LPGAT1: variants seen among roughly 807,000 people sequenced by gnomAD.
LPGAT1 encodes acyl-CoA:lysophosphatidylglycerol acyltransferase 1.
LPGAT1 carries 11 observed loss-of-function variants against 47.5 expected under a neutral mutation model. That is an observed-to-expected ratio of 0.23 (90% CI 0.15 to 0.38). The LOEUF is 0.38. Ranked by LOEUF, LPGAT1 falls within the 10% of genes least tolerant of loss-of-function variation. The probability of loss-of-function intolerance (pLI) is 1.00; values close to 1 mark genes in which losing one functional copy is unlikely to be tolerated. For missense variants in LPGAT1, 293 were observed against 439.0 expected, an observed-to-expected ratio of 0.67 and a Z score of 2.97; for synonymous variants, 138 against 144.2, an observed-to-expected ratio of 0.96 and a Z score of 0.31.
At chr1:211,781,543 C>G (rs937223841) in intron 5 of LPGAT1, among the ~76,000 whole-genome samples, 2 of 152,130 alleles carry the variant, frequency 1.3e-5, no homozygotes, top group African/African-American at 4.8e-5. Flanking sequence ...ATTAAGAGAG[C>G]TGACTGCCAA....
intron 3 of LPGAT1, among the ~76,000 whole-genome samples, chr1:211,789,355 G>A (rs1357856405): frequency 6.6e-6 from 1 of 152,132 alleles, no homozygotes; most frequent in Non-Finnish European, 1.5e-5. Flanking sequence ...TTCATTCATG[G>A]TGGATTTATC....
intron 2 of LPGAT1, among the ~76,000 whole-genome samples, chr1:211,814,095 TTTC>T (rs1217183410): frequency 6.6e-6 from 1 of 152,220 alleles, no homozygotes; most frequent in African/African-American, 2.4e-5. Context: ...TTTTAAAGGA[TTTC>T]TTATTAATCA....
chr1:211,799,309 TG>T (rs1169264436), intron 2 of LPGAT1, among the ~76,000 whole-genome samples: 1 of 152,166 alleles, frequency 6.6e-6, no homozygotes, highest in African/African-American at 2.4e-5. Flanking sequence ...ATTTATGGAA[TG>T]TTTATTATGT....
chr1:211,750,663 A>G (rs866887183), intron 7 of LPGAT1, among the ~76,000 whole-genome samples: 1 of 152,238 alleles, frequency 6.6e-6, no homozygotes, highest in South Asian at 2.1e-4. Context: ...TCTTAATAAT[A>G]AAAGAAATAC....
intron 6 of LPGAT1, among the ~76,000 whole-genome samples, chr1:211,767,112 T>A (rs989839646): frequency 2.0e-5 from 3 of 152,132 alleles, no homozygotes; most frequent in Admixed American, 1.3e-4. Flanking sequence ...CATGTCTCCA[T>A]CCTGAATGAC....
At chr1:211,763,286 C>G (rs1313477169) in intron 6 of LPGAT1, among the ~76,000 whole-genome samples, 1 of 152,068 alleles carries the variant, frequency 6.6e-6, no homozygotes, top group African/African-American at 2.4e-5. Context: ...TAGATTAATC[C>G]ATTCAAGGAT....
chr1:211,772,375 A>T (rs1658208206), intron 6 of LPGAT1, among the ~76,000 whole-genome samples: 1 of 152,150 alleles, frequency 6.6e-6, no homozygotes, highest in African/African-American at 2.4e-5. Context: ...TGTTTTGTTC[A>T]TCTTCAAAAC....
chr1:211,815,773 C>CTTTTTT (rs938719098), intron 2 of LPGAT1, among the ~76,000 whole-genome samples: 403 of 101,802 alleles, frequency 4.0e-3, no homozygotes, highest in Non-Finnish European at 6.0e-3. Flanking sequence ...AAATGCTTTT[C>CTTTTTT]TTTTTTTTTT....
chr1:211,776,403 G>A (rs1658401867), intron 6 of LPGAT1, among the ~76,000 whole-genome samples: 1 of 152,072 alleles, frequency 6.6e-6, no homozygotes. Flanking sequence ...CAGGCATGGT[G>A]GTATGTGCCT....
chr1:211,799,291 T>G (rs1307608514), intron 2 of LPGAT1, among the ~76,000 whole-genome samples: 1 of 152,100 alleles, frequency 6.6e-6, no homozygotes, highest in Non-Finnish European at 1.5e-5. Context: ...ATAATCTTAA[T>G]AGCTAACATT....
chr1:211,777,820 T>C (rs1008359948), intron 6 of LPGAT1, among the ~76,000 whole-genome samples: 1 of 152,140 alleles, frequency 6.6e-6, no homozygotes, highest in African/African-American at 2.4e-5. Flanking sequence ...TCCCAGATAG[T>C]TAAGGCATTC....
intron 6 of LPGAT1, among the ~76,000 whole-genome samples, chr1:211,766,243 C>T (rs569982363): frequency 8.5e-5 from 13 of 152,240 alleles, no homozygotes; most frequent in Non-Finnish European, 1.8e-4. Flanking sequence ...AGGCTTGGAC[C>T]GGAACGACAC....
At chr1:211,757,878 C>A (rs1463113999) in intron 6 of LPGAT1, among the ~76,000 whole-genome samples, 3 of 152,092 alleles carry the variant, frequency 2.0e-5, no homozygotes, top group African/African-American at 7.2e-5. Flanking sequence ...TCTTTGTGCC[C>A]CCTACATTTT....
intron 2 of LPGAT1, among the ~76,000 whole-genome samples, chr1:211,815,946 T>C (rs899275568): frequency 1.3e-4 from 19 of 151,798 alleles, no homozygotes; most frequent in African/African-American, 4.6e-4. Context: ...GCCCGGCTAA[T>C]TTTTTGTATT....
chr1:211,762,973 C>G (rs939162414), intron 6 of LPGAT1, among the ~76,000 whole-genome samples: 3 of 152,132 alleles, frequency 2.0e-5, no homozygotes, highest in African/African-American at 7.2e-5. Flanking sequence ...ACAATTCCTG[C>G]TTTCAAATAG....
At chr1:211,800,779 G>A (rs904115070) in intron 2 of LPGAT1, among the ~76,000 whole-genome samples, 1 of 152,166 alleles carries the variant, frequency 6.6e-6, no homozygotes, top group Non-Finnish European at 1.5e-5. Flanking sequence ...GTAAAATCAG[G>A]GTGAGGTTAA....
chr1:211,826,036 T>A (rs111824450), intron 2 of LPGAT1, among the ~76,000 whole-genome samples: 3,596 of 152,238 alleles, frequency 0.024, 67 homozygotes, highest in Non-Finnish European at 0.03. Context: ...AACCCCAGTG[T>A]CTTCAGAGTA....
At chr1:211,828,702 T>C (rs780187454) in intron 2 of LPGAT1, among the ~76,000 whole-genome samples, 4 of 152,240 alleles carry the variant, frequency 2.6e-5, no homozygotes, top group Non-Finnish European at 5.9e-5. Flanking sequence ...CCAATGTTTA[T>C]GGGCATCTTC....
At chr1:211,790,347 T>C (rs1659061805) in intron 3 of LPGAT1, among the ~76,000 whole-genome samples, 1 of 152,126 alleles carries the variant, frequency 6.6e-6, no homozygotes, top group South Asian at 2.1e-4. Flanking sequence ...AATGGGGGCT[T>C]CAAGAAGTCC....
Sources: gnomAD v4.1 joint callset for allele counts (sites outside exome capture counted in the v4.1 genomes callset) on GRCh38, gnomAD v4.1.1 for gene constraint, MANE v1.5 for transcripts, NCBI Gene and HGNC (gene_info 2026-07-23, HGNC 2026-07-21) for gene names.